The following NKAIN2 variants were observed in gnomAD, a reference collection of about 807,000 sequenced individuals.
NKAIN2 encodes sodium/potassium transporting ATPase interacting 2.
A neutral mutation model predicts 32.6 loss-of-function variants in NKAIN2; 14 were observed. That is an observed-to-expected ratio of 0.43 (90% confidence interval 0.28 to 0.67). The LOEUF is 0.67. NKAIN2 is among the 30% of genes least tolerant of loss of function. The pLI is 0.17. For synonymous variants in NKAIN2, 80 were observed against 87.2 expected, an observed-to-expected ratio of 0.92 and a Z score of 0.46; for missense variants, 198 against 258.3, an observed-to-expected ratio of 0.77 and a Z score of 1.60.
chr6:124,601,452 A>G (rs1376471959), intron 3 of NKAIN2, among the ~76,000 whole-genome samples: 5 of 152,012 alleles, frequency 3.3e-5, no homozygotes, highest in Non-Finnish European at 1.5e-5. Flanking sequence ...TTTTATCTTA[A>G]TACTCTTAGA....
At chr6:124,332,258 G>C (rs1030635436) in intron 2 of NKAIN2, among the ~76,000 whole-genome samples, 1 of 151,866 alleles carries the variant, frequency 6.6e-6, no homozygotes, top group Admixed American at 6.6e-5. Flanking sequence ...GAGAGAGAGA[G>C]AGAGAAAGAG....
At chr6:124,138,801 A>G (rs1361466923) in intron 1 of NKAIN2, among the ~76,000 whole-genome samples, 1 of 150,076 alleles carries the variant, frequency 6.7e-6, no homozygotes, top group Non-Finnish European at 1.5e-5. Context: ...GGAGTTAGAG[A>G]CCATTAATCT....
intron 1 of NKAIN2, among the ~76,000 whole-genome samples, chr6:124,132,733 G>T (rs770056242): frequency 6.6e-6 from 1 of 152,174 alleles, no homozygotes; most frequent in African/African-American, 2.4e-5. Context: ...ACCAGGGCAG[G>T]TGTTAATATC....
chr6:124,517,673 G>A (rs558561343), intron 3 of NKAIN2, among the ~76,000 whole-genome samples: 8 of 151,946 alleles, frequency 5.3e-5, no homozygotes, highest in South Asian at 2.1e-4. Context: ...AGTTATAACC[G>A]TAAACTTCTA....
chr6:123,804,363 A>G (rs1773126850), intron 1 of NKAIN2, 109 bp downstream of exon 1: 2 of 930,922 alleles, frequency 2.1e-6, no homozygotes, highest in African/African-American at 3.2e-5. Context: ...AAGATAAAAG[A>G]GAAGGTGACA....
intron 1 of NKAIN2, among the ~76,000 whole-genome samples, chr6:124,078,928 T>G (rs1783825557): frequency 6.6e-6 from 1 of 152,116 alleles, no homozygotes; most frequent in Non-Finnish European, 1.5e-5. Context: ...CATTATTTCT[T>G]AAGTTATTGA....
chr6:124,396,535 G>C (rs192795043), intron 3 of NKAIN2, among the ~76,000 whole-genome samples: 1 of 151,980 alleles, frequency 6.6e-6, no homozygotes, highest in African/African-American at 2.4e-5. Flanking sequence ...ATACATAAGG[G>C]GAATAGTTTT....
intron 4 of NKAIN2, among the ~76,000 whole-genome samples, chr6:124,731,914 T>A (rs1225611611): frequency 6.6e-6 from 1 of 152,080 alleles, no homozygotes; most frequent in Non-Finnish European, 1.5e-5. Flanking sequence ...AAAGTCCCAG[T>A]TAAATGTCCA....
intron 2 of NKAIN2, among the ~76,000 whole-genome samples, chr6:124,343,081 C>G (rs201895804): frequency 1.4e-5 from 2 of 146,368 alleles, no homozygotes; most frequent in African/African-American, 2.5e-5. Flanking sequence ...AACATGCGGT[C>G]TTTGGTTTTT....
intron 3 of NKAIN2, among the ~76,000 whole-genome samples, chr6:124,651,593 G>A (rs1322605918): frequency 1.3e-5 from 2 of 152,246 alleles, no homozygotes; most frequent in African/African-American, 2.4e-5. Context: ...ACAGTGGCCC[G>A]AGCTGTACTT....
At chr6:124,257,809 A>C (rs1391085107) in intron 1 of NKAIN2, among the ~76,000 whole-genome samples, 4 of 127,806 alleles carry the variant, frequency 3.1e-5, no homozygotes, top group Non-Finnish European at 6.3e-5. Flanking sequence ...ACGGGGTTTC[A>C]CTCTTGTTGC....
chr6:124,461,207 G>A (rs981274063), intron 3 of NKAIN2, among the ~76,000 whole-genome samples: 1 of 151,672 alleles, frequency 6.6e-6, no homozygotes, highest in Admixed American at 6.6e-5. Flanking sequence ...AGGTCAACCT[G>A]GCTTCGAATG....
intron 1 of NKAIN2, among the ~76,000 whole-genome samples, chr6:124,269,648 A>G (rs1337294211): frequency 6.6e-6 from 1 of 151,590 alleles, no homozygotes; most frequent in Non-Finnish European, 1.5e-5. Flanking sequence ...TTATATTTTT[A>G]GTAGAGATAG....
chr6:124,217,434 GA>G (rs946979177), intron 1 of NKAIN2, among the ~76,000 whole-genome samples: 28 of 145,814 alleles, frequency 1.9e-4, no homozygotes, highest in East Asian at 1.2e-3. Flanking sequence ...CCATGGTAGA[GA>G]AAAAAAAAAG....
At position 124,818,373 on chromosome 6, in the gene NKAIN2, T is replaced by C. The variant is rs1487480627; in HGVS notation, c.536-14T>C. Reference sequence around the variant, plus strand: ...CTCTTCTGAAAAGCTAATTAATGAATTGTCCCTTTTCAGTTGATTTCATAG... The same window carrying C: ...CTCTTCTGAAAAGCTAATTAATGAACTGTCCCTTTTCAGTTGATTTCATAG... On this transcript the variant is annotated splice_polypyrimidine_tract_variant and intron_variant, in intron 5 of 6. Transcript: ENST00000368417. The C allele has an allele frequency of 6.7e-7, 1 of 1,491,028 alleles. No individual in the cohort carries two copies. The highest frequency in any genetic ancestry group is 9.4e-7 in the Non-Finnish European group (1 of 1,069,502). The allele number at this position is 1,491,028 out of a possible 1,614,324, so 92.4% of individuals were successfully genotyped here.
chr6:124,819,144 G>A (rs547538584), intron 6 of NKAIN2: 1 of 966,996 alleles, frequency 1.0e-6, no homozygotes, highest in South Asian at 4.8e-5. Context: ...CAAGTGATAT[G>A]CTGAATTGCA....
At chr6:124,058,199 GTTTTGT>G (rs1562333546) in intron 1 of NKAIN2, among the ~76,000 whole-genome samples, 1 of 41,720 alleles carries the variant, frequency 2.4e-5, no homozygotes, top group African/African-American at 9.9e-5. Flanking sequence ...TGACATTTAA[GTTTTGT>G]TTTTTTTTTT....
At position 124,702,827 on chromosome 6, in the gene NKAIN2, A is replaced by G. The variant is rs571375492; in HGVS notation, c.474+44441A>G. 3.9e-5 allele frequency among the ~76,000 whole-genome samples: 6 copies of G among 152,232 alleles called. No individual in the cohort carries two copies. In the South Asian group the frequency reaches 1.2e-3, roughly 32 times the overall value. Reference sequence around the variant, plus strand: ...TTTTAGTCATTAAAAATGCAAACATAGCATTGAAACTACAGCGACATTATT... The same window carrying G: ...TTTTAGTCATTAAAAATGCAAACATGGCATTGAAACTACAGCGACATTATT... On this transcript the variant is annotated intron_variant, in intron 4 of 6. Coordinates refer to ENST00000368417, the MANE Select transcript of NKAIN2 (RefSeq NM_001040214.3).
intron 3 of NKAIN2, among the ~76,000 whole-genome samples, chr6:124,453,351 A>ACACACG (rs1562194540): frequency 1.5e-5 from 2 of 133,504 alleles, no homozygotes; most frequent in East Asian, 2.2e-4. Flanking sequence ...ACACACACAC[A>ACACACG]CACACACACA....
Sources: gnomAD v4.1 joint callset for allele counts (sites outside exome capture counted in the v4.1 genomes callset) on GRCh38, gnomAD v4.1.1 for gene constraint, MANE v1.5 for transcripts, NCBI Gene and HGNC (gene_info 2026-07-23, HGNC 2026-07-21) for gene names.